PSMG2: variants seen among roughly 807,000 people sequenced by gnomAD.
PSMG2 encodes the protein proteasome assembly chaperone 2.
In PSMG2, 21 loss-of-function variants were observed where a neutral mutation model predicts 31.5. That is an observed-to-expected ratio of 0.67 (90% confidence interval 0.47 to 0.96). The LOEUF (loss-of-function observed/expected upper bound fraction) is 0.96, where lower values mean the gene tolerates loss of function less well. Among genes scored for constraint, PSMG2 ranks in the 40% least tolerant of loss-of-function variants. The pLI is 0.00. For missense variants in PSMG2, 318 were observed against 321.2 expected, an observed-to-expected ratio of 0.99 and a Z score of 0.08; for synonymous variants, 120 against 110.4, an observed-to-expected ratio of 1.09 and a Z score of -0.54.
intron 1 of PSMG2, among the ~76,000 whole-genome samples, chr18:12,660,489 T>C (rs112172375): frequency 1.3e-5 from 2 of 152,160 alleles, no homozygotes; most frequent in African/African-American, 4.8e-5. Flanking sequence ...GCCTGGCTAA[T>C]TTTTGTATTT....
intron 1 of PSMG2, among the ~76,000 whole-genome samples, chr18:12,688,357 C>G (rs774255427): frequency 2.6e-5 from 4 of 151,352 alleles, no homozygotes; most frequent in East Asian, 1.9e-4. Context: ...TATAGCAAAA[C>G]CAGCTAACAA....
intron 1 of PSMG2, among the ~76,000 whole-genome samples, chr18:12,660,614 C>T (rs1436652927): frequency 6.6e-6 from 1 of 152,084 alleles, no homozygotes; most frequent in African/African-American, 2.4e-5. Flanking sequence ...AGCCACTGTG[C>T]CCGGCCAAAA....
intron 1 of PSMG2, among the ~76,000 whole-genome samples, chr18:12,684,027 A>G (rs1468399258): frequency 2.7e-5 from 4 of 150,526 alleles, no homozygotes; most frequent in Non-Finnish European, 4.4e-5. Flanking sequence ...TATCATATAT[A>G]TATGTATTTT....
At chr18:12,723,290 A>G (rs2040447632) in intron 5 of PSMG2, among the ~76,000 whole-genome samples, 1 of 152,030 alleles carries the variant, frequency 6.6e-6, no homozygotes, top group African/African-American at 2.4e-5. Context: ...ATTTATTGGC[A>G]AGCAGGAAAC....
intron 1 of PSMG2, among the ~76,000 whole-genome samples, chr18:12,683,294 G>A (rs1296582880): frequency 6.6e-6 from 1 of 151,592 alleles, no homozygotes; most frequent in Admixed American, 6.6e-5. Flanking sequence ...GGAGGTTGCA[G>A]TGAGTCGAGA....
intron 1 of PSMG2, chr18:12,691,269 C>T: frequency 1.2e-6 from 1 of 821,076 alleles, no homozygotes; most frequent in African/African-American, 1.8e-5. Flanking sequence ...TTTTGGAATA[C>T]ATTTTACAAA....
At chr18:12,724,971 G>A (rs2040463296) in intron 6 of PSMG2, 4 of 322,070 alleles carry the variant, frequency 1.2e-5, no homozygotes, top group South Asian at 1.2e-4. Context: ...TGCTATGTGA[G>A]CAATACTGTA....
At chr18:12,718,193 G>C (rs1333516234) in intron 3 of PSMG2, among the ~76,000 whole-genome samples, 1 of 151,676 alleles carries the variant, frequency 6.6e-6, no homozygotes, top group African/African-American at 2.4e-5. Flanking sequence ...ATTTTTAGTA[G>C]AGATGGGGTT....
intron 6 of PSMG2, 96 bp from the exon 7 acceptor site, chr18:12,725,343 C>G: frequency 1.0e-6 from 1 of 983,290 alleles, no homozygotes; most frequent in Non-Finnish European, 1.5e-6. Flanking sequence ...AAAGTGCCAA[C>G]CAAAAGGAAC....
chr18:12,663,950 A>G (rs575771334), intron 1 of PSMG2, among the ~76,000 whole-genome samples: 1 of 152,234 alleles, frequency 6.6e-6, no homozygotes, highest in Non-Finnish European at 1.5e-5. Flanking sequence ...AGATCACCTG[A>G]GGTTGGGAGT....
At chr18:12,663,143 T>C (rs114536273) in intron 1 of PSMG2, among the ~76,000 whole-genome samples, 4,551 of 152,304 alleles carry the variant, frequency 0.03, 239 homozygotes, top group African/African-American at 0.1. Flanking sequence ...ATAATTCAAA[T>C]ACATTTCCTA....
intron 4 of PSMG2, 86 bp downstream of exon 4, chr18:12,718,721 C>A: frequency 1.0e-6 from 1 of 962,754 alleles, no homozygotes; most frequent in Non-Finnish European, 1.5e-6. Flanking sequence ...TTAAAAGCCA[C>A]GTAGATCCTT....
At chr18:12,673,504 C>G (rs1465438734) in intron 1 of PSMG2, 1 of 1,568,010 alleles carries the variant, frequency 6.4e-7, no homozygotes, top group Admixed American at 2.2e-5. Flanking sequence ...GAAAGGAGAT[C>G]TATTTAAGAA....
chr18:12,720,463 T>C (rs751390130), intron 4 of PSMG2, 47 bp from the exon 5 acceptor site: 33 of 1,428,446 alleles, frequency 2.3e-5, no homozygotes, highest in Non-Finnish European at 2.9e-5. Flanking sequence ...AAAGAACCGA[T>C]GTTTGCTTTA....
At chr18:12,686,751 G>A (rs937009212) in intron 1 of PSMG2, 9 of 234,734 alleles carry the variant, frequency 3.8e-5, no homozygotes, top group African/African-American at 1.8e-4. Flanking sequence ...AGAAATGTGT[G>A]GGTAGGTATG....
Position 12,725,610 on chromosome 18 carries a change from TA to T in PSMG2, c.*80del. Reference sequence around the variant, plus strand: ...TTAAACATTCTATACAAAAAAATTGTATGATCTGGTATTAGGAAATTACTTT... The same window carrying T: ...TTAAACATTCTATACAAAAAAATTGTTGATCTGGTATTAGGAAATTACTTT... On this transcript the variant is annotated 3_prime_UTR_variant, in exon 7 of 7. Transcript: ENST00000317615. 1.0e-6 allele frequency: 1 copy of T among 1,003,586 alleles called. No individual in the cohort carries two copies. The highest frequency in any genetic ancestry group is 1.4e-6 in the Non-Finnish European group (1 of 692,340). The allele number at this position is 1,003,586 out of a possible 1,614,324, so 62.2% of individuals were successfully genotyped here.
chr18:12,693,114 G>C (rs2039827539), intron 1 of PSMG2, among the ~76,000 whole-genome samples: 1 of 152,020 alleles, frequency 6.6e-6, no homozygotes, highest in African/African-American at 2.4e-5. Flanking sequence ...TAATTAGCCT[G>C]GCTAAAAGTT....
intron 1 of PSMG2, among the ~76,000 whole-genome samples, chr18:12,669,401 C>T (rs138063111): frequency 3.9e-5 from 6 of 152,042 alleles, no homozygotes; most frequent in South Asian, 2.1e-4. Flanking sequence ...CATGAGCCAC[C>T]GCGCCTGGCC....
rs769670942 is a variant in PSMG2, at chr18:12,725,526, T to C, written c.790T>C (p.Phe264Leu). ...TGGCAGTGGTCTTCCCCCTGCACTTTTCTGATCTAATTTCTGTTTTATACC... is the reference window on the plus strand; with the variant it reads ...TGGCAGTGGTCTTCCCCCTGCACTTCTCTGATCTAATTTCTGTTTTATACC... ...LFGSGLPPAL[F>L] The change falls in exon 7 of 7, where the codon TTC becomes CTC. Residue 264 changes from phenylalanine (F) to leucine (L), a missense_variant. By Grantham distance (22) the Phe-to-Leu change is conservative (BLOSUM62 0). Coordinates refer to ENST00000317615, the MANE Select transcript of PSMG2 (RefSeq NM_020232.5). 1.9e-6 allele frequency: 3 copies of C among 1,583,814 alleles called. No individual in the cohort carries two copies. The highest frequency in any genetic ancestry group is 1.7e-6 in the Non-Finnish European group (2 of 1,153,756).
Sources: allele counts gnomAD v4.1 joint callset (sites outside exome capture counted in the v4.1 genomes callset), GRCh38; gene constraint gnomAD v4.1.1; transcripts MANE v1.5; gene names NCBI Gene and HGNC (gene_info 2026-07-23, HGNC 2026-07-21).